ZNF441: variants seen among roughly 807,000 people sequenced by gnomAD.
ZNF441 encodes the protein zinc finger protein 441.
ZNF441 carries 25 observed loss-of-function variants against 64.5 expected under a neutral mutation model. The ratio of observed to expected loss-of-function variants is 0.39; its 90% CI spans 0.28 to 0.54. The LOEUF is 0.54. Among genes scored for constraint, ZNF441 ranks in the 20% least tolerant of loss-of-function variants. ZNF441 has a pLI of 0.70. For synonymous variants in ZNF441, 262 were observed against 268.0 expected (o/e 0.98, Z 0.22); for missense variants, 715 against 843.3 (o/e 0.85, Z 1.88).
At position 11,776,311 on chromosome 19, in the gene ZNF441, T is replaced by C. The variant is rs1599269765; in HGVS notation, c.4-1300T>C. On this transcript the variant is annotated intron_variant, in intron 1 of 3. Transcript: ENST00000357901. ...AAATAAAAACTCCACAAAACTTTCCTACTATTTGTCACCTTCCTTATTCTA... is the reference window on the plus strand; with the variant it reads ...AAATAAAAACTCCACAAAACTTTCCCACTATTTGTCACCTTCCTTATTCTA... Among the ~76,000 whole-genome samples the C allele has an allele frequency of 2.0e-5, 3 of 152,338 alleles. No homozygotes were observed. In the South Asian group the frequency reaches 6.2e-4, roughly 32 times the overall value.
chr19:11,773,151 CTT>C (rs918863633), intron 1 of ZNF441, among the ~76,000 whole-genome samples: 4 of 152,094 alleles, frequency 2.6e-5, no homozygotes, highest in African/African-American at 4.8e-5. Flanking sequence ...ATGATATACT[CTT>C]TTTTTATCAA....
At chr19:11,776,195 T>C (rs368124177) in intron 1 of ZNF441, among the ~76,000 whole-genome samples, 25 of 152,208 alleles carry the variant, frequency 1.6e-4, no homozygotes, top group Admixed American at 3.9e-4. Context: ...ACAAATAAGA[T>C]CTGATCTGCT....
At chr19:11,770,180 C>T (rs947519525) in intron 1 of ZNF441, among the ~76,000 whole-genome samples, 4 of 152,050 alleles carry the variant, frequency 2.6e-5, no homozygotes, top group South Asian at 2.1e-4. Context: ...ACAATTGTGG[C>T]GGAAGGGGAA....
At chr19:11,769,895 C>T (rs1975299763) in intron 1 of ZNF441, among the ~76,000 whole-genome samples, 1 of 152,036 alleles carries the variant, frequency 6.6e-6, no homozygotes, top group South Asian at 2.1e-4. Flanking sequence ...AAGATGGTCT[C>T]GATCTCCTGA....
Position 11,780,110 on chromosome 19 carries a change from A to C in ZNF441, c.286A>C (p.Lys96Gln). ...TQTQDSIVNEKIPGVDPWESS... is the reference protein window; with the variant it reads ...TQTQDSIVNEQIPGVDPWESS... Reference sequence around the variant, plus strand: ...GACTCAAGACAGTATTGTGAACGAGAAAATACCTGGAGTAGATCCATGGGA... The same window carrying C: ...GACTCAAGACAGTATTGTGAACGAGCAAATACCTGGAGTAGATCCATGGGA... Residue 96 changes from lysine to glutamine, a missense_variant, in exon 4 of 4, where the codon AAA becomes CAA. Around this residue, in one of 2 missense-constraint regions of ZNF441, gnomAD observed 399 missense variants for 413.9 expected, o/e 0.96. Coordinates refer to ENST00000357901, the MANE Select transcript of ZNF441 (RefSeq NM_152355.3). The C allele has an allele frequency of 1.2e-6, 2 of 1,614,152 alleles. No individual in the cohort carries two copies. The highest frequency in any genetic ancestry group is 2.2e-5 in the South Asian group (2 of 91,086).
chr19:11,781,247 T>C lies in ZNF441; in HGVS notation c.1423T>C (p.Tyr475His). Reference protein sequence around the residue: ...HEKTHTGEKPYECKQCGKALS... With the variant: ...HEKTHTGEKPHECKQCGKALS... ...AAAGACTCACACTGGAGAAAAGCCC[T>C]ATGAATGTAAGCAGTGTGGAAAAGC... Residue 475 changes from tyrosine to histidine, a missense_variant, in exon 4 of 4, where the codon TAT becomes CAT. This residue lies in a region of ZNF441 where 316 missense variants were observed against 429.3 expected (regional missense o/e 0.74). Transcript: ENST00000357901. The C allele has an allele frequency of 1.2e-6, 2 of 1,613,662 alleles. No individual in the cohort carries two copies. The highest frequency in any genetic ancestry group is 1.1e-5 in the South Asian group (1 of 91,056).
rs565618760 is a variant in ZNF441, at chr19:11,767,516, G to A, written c.3+320G>A. 1.3e-4 allele frequency among the ~76,000 whole-genome samples: 20 copies of A among 152,370 alleles called. No individual in the cohort carries two copies. Among genetic ancestry groups the A allele is most frequent in the Non-Finnish European group, 2.4e-4 (16 of 68,030 alleles). On this transcript the variant is annotated intron_variant, in intron 1 of 3. Coordinates refer to ENST00000357901, the MANE Select transcript of ZNF441 (RefSeq NM_152355.3). This position sits in a 1 kb window ranked among gnomAD's most constrained non-coding sequence, Gnocchi z 5.1. ...CCGAGTCACTGCACCGAGACGCCGA[G>A]GGCTGCAGCAGAAACAGTTTAATAG... is the stretch of plus-strand genomic sequence containing the variant.
Position 11,781,768 on chromosome 19 carries a change from T to C in ZNF441, c.1944T>C (p.Cys648=). 1 of 1,614,116 alleles carries C rather than the reference T, an allele frequency of 6.2e-7. No homozygotes were observed. Among genetic ancestry groups the C allele is most frequent in the Non-Finnish European group, 8.5e-7 (1 of 1,179,974 alleles). Residue 648 remains cysteine (C), a synonymous_variant, in exon 4 of 4, where the codon TGT becomes TGC. Transcript: ENST00000357901. ...TGEKPYKCKE[C]GKPFHCPSAF... Reference sequence around the variant, plus strand: ...AGAAGCCGTATAAATGTAAGGAATGTGGGAAACCATTCCATTGTCCCAGTG... The same window carrying C: ...AGAAGCCGTATAAATGTAAGGAATGCGGGAAACCATTCCATTGTCCCAGTG...
At chr19:11,772,058 A>G (rs1389242491) in intron 1 of ZNF441, among the ~76,000 whole-genome samples, 7 of 152,208 alleles carry the variant, frequency 4.6e-5, no homozygotes, top group Non-Finnish European at 8.8e-5. Flanking sequence ...TCTGATATGC[A>G]GAAATAATGG....
intron 1 of ZNF441, among the ~76,000 whole-genome samples, chr19:11,775,671 AG>A (rs1333074866): frequency 8.3e-6 from 1 of 120,864 alleles, no homozygotes; most frequent in Admixed American, 9.8e-5. Flanking sequence ...TTTATCGCCC[AG>A]GCTGGAGTGC....
intron 1 of ZNF441, among the ~76,000 whole-genome samples, chr19:11,773,042 C>T (rs1442246079): frequency 2.6e-5 from 4 of 152,164 alleles, no homozygotes; most frequent in Non-Finnish European, 4.4e-5. Flanking sequence ...TCGCCCGCCT[C>T]GGCCTCCCAA....
chr19:11,781,819 C>T lies in ZNF441; in HGVS notation c.1995C>T (p.His665=). 6.2e-7 allele frequency: 1 copy of T among 1,613,980 alleles called. No individual in the cohort carries two copies. Among genetic ancestry groups the T allele is most frequent in the Non-Finnish European group, 8.5e-7 (1 of 1,179,932 alleles). Reference sequence around the variant, plus strand: ...CCTTTCATAAACATGAAAGGACCCACAGTATGGAGAAACCCTATAAGTGTA... The same window carrying T: ...CCTTTCATAAACATGAAAGGACCCATAGTATGGAGAAACCCTATAAGTGTA... ...PSAFHKHERT[H]SMEKPYKCKE... Residue 665 remains histidine, a synonymous_variant, in exon 4 of 4, where the codon CAC becomes CAT. Coordinates refer to ENST00000357901, the MANE Select transcript of ZNF441 (RefSeq NM_152355.3).
In ZNF441 at chr19:11,767,058, C is replaced by G. The variant is rs1975275464; in HGVS notation, c.-136C>G. ...AGGTTCAAAGAGCCCGCCGAGTCTTCTCCACGCCCCTGCACTGGGCTCCGG... is the reference window on the plus strand; with the variant it reads ...AGGTTCAAAGAGCCCGCCGAGTCTTGTCCACGCCCCTGCACTGGGCTCCGG... On this transcript the variant is annotated 5_prime_UTR_variant, in exon 1 of 4. Transcript: ENST00000357901. This position sits in a 1 kb window ranked among gnomAD's most constrained non-coding sequence, Gnocchi z 5.1. The G allele has an allele frequency of 3.7e-6, 5 of 1,353,032 alleles. No individual in the cohort carries two copies. Among genetic ancestry groups the G allele is most frequent in the Non-Finnish European group, 5.1e-6 (5 of 981,106 alleles). The allele number at this position is 1,353,032 out of a possible 1,614,324, so 83.8% of individuals were successfully genotyped here. A position where few individuals can be genotyped will look rare whatever the true frequency, so the allele number is the denominator to read the frequency against.
In ZNF441 at chr19:11,777,612, A is replaced by G. The variant is rs750399205; in HGVS notation, c.5A>G (p.Asp2Gly). 1 of 1,612,022 alleles carries G rather than the reference A, an allele frequency of 6.2e-7. No homozygotes were observed. The highest frequency in any genetic ancestry group is 8.5e-7 in the Non-Finnish European group (1 of 1,179,044). ...CTCTGCACATGTGAAATATTTCAGG[A>G]CTCAGTGGCATTTGAGGATGTGGCT... M[D>G]SVAFEDVAIN... The change falls in exon 2 of 4, where the codon GAC becomes GGC. Residue 2 changes from aspartate to glycine, a missense_variant and splice_region_variant. Coordinates refer to ENST00000357901, the MANE Select transcript of ZNF441 (RefSeq NM_152355.3).
At position 11,781,543 on chromosome 19, in the gene ZNF441, C is replaced by T. The variant is rs761387876; in HGVS notation, c.1719C>T (p.Ser573=). ...GGAAAGCATTATCTGATCTCTCAAG[C>T]TTTCGAAGACACATGATAACACATA... The part of the protein sequence containing the change: ...QCGKALSDLS[S]FRRHMITHTG... Residue 573 remains serine (S), a synonymous_variant, in exon 4 of 4, where the codon AGC becomes AGT. Transcript: ENST00000357901. 2.5e-6 allele frequency: 4 copies of T among 1,613,898 alleles called. No homozygotes were observed. The highest frequency in any genetic ancestry group is 2.5e-6 in the Non-Finnish European group (3 of 1,179,952).
chr19:11,779,660 G>A (rs2145083751), intron 3 of ZNF441, among the ~76,000 whole-genome samples: 1 of 151,986 alleles, frequency 6.6e-6, no homozygotes, highest in East Asian at 2.0e-4. Flanking sequence ...CAGGAGAATG[G>A]TGTGAACCCG....
chr19:11,781,227 C>T lies in ZNF441; in HGVS notation c.1403C>T (p.Thr468Ile). Reference sequence around the variant, plus strand: ...AATTACATTCGAGTACATGAAAAGACTCACACTGGAGAAAAGCCCTATGAA... The same window carrying T: ...AATTACATTCGAGTACATGAAAAGATTCACACTGGAGAAAAGCCCTATGAA... ...SSNYIRVHEK[T>I]HTGEKPYECK... is the part of the protein sequence containing the mutation. The change falls in exon 4 of 4, where the codon ACT becomes ATT. Residue 468 changes from threonine (T) to isoleucine (I), a missense_variant. This residue lies in a region of ZNF441 where 316 missense variants were observed against 429.3 expected (regional missense o/e 0.74). Coordinates refer to ENST00000357901, the MANE Select transcript of ZNF441 (RefSeq NM_152355.3). 1 of 1,613,596 alleles carries T rather than the reference C, an allele frequency of 6.2e-7. No individual in the cohort carries two copies. The highest frequency in any genetic ancestry group is 8.5e-7 in the Non-Finnish European group (1 of 1,179,924).
rs539126848 is a variant in ZNF441 at position 11,771,460 on chromosome 19, G to A, written c.3+4264G>A. ...GAGACCGAGGACACGAGCTGTTCCA[G>A]TATAATAAAATATAAAACAAGAATA... is the stretch of plus-strand genomic sequence containing the variant. On this transcript the variant is annotated intron_variant, in intron 1 of 3. Transcript: ENST00000357901. 9.4e-4 allele frequency among the ~76,000 whole-genome samples: 143 copies of A among 152,312 alleles called. No homozygotes were observed. The Middle Eastern group carries it at 0.014, about 14-fold the overall frequency.
chr19:11,781,140 G>T lies in ZNF441; in HGVS notation c.1316G>T (p.Arg439Ile), dbSNP rs1381228035. ...ICCTYLQIHE[R>I]IHTGERPYKC... ...TGCACTTACCTTCAAATACATGAAAGAATTCACACTGGGGAGAGACCCTAT... is the reference window on the plus strand; with the variant it reads ...TGCACTTACCTTCAAATACATGAAATAATTCACACTGGGGAGAGACCCTAT... Residue 439 changes from arginine to isoleucine, a missense_variant, in exon 4 of 4, where the codon AGA becomes ATA. Arg to Ile is a moderately conservative substitution (Grantham distance 97, BLOSUM62 -3). Transcript: ENST00000357901. 1.2e-6 allele frequency: 2 copies of T among 1,613,970 alleles called. No homozygotes were observed. The highest frequency in any genetic ancestry group is 1.7e-6 in the Non-Finnish European group (2 of 1,179,996).
Sources: gnomAD v4.1 joint callset for allele counts (sites outside exome capture counted in the v4.1 genomes callset) on GRCh38, gnomAD v4.1.1 for gene constraint, gnomAD v4.1.1 regional missense constraint, Gnocchi (gnomAD v3.1) non-coding constraint, MANE v1.5 for transcripts, NCBI Gene and HGNC (gene_info 2026-07-23, HGNC 2026-07-21) for gene names.